Variants in MFSD8 observed in about 807,000 individuals in gnomAD.
The protein encoded by MFSD8 is major facilitator superfamily domain-containing protein 8.
A neutral mutation model predicts 66.4 loss-of-function variants in MFSD8; 55 were observed. The ratio of observed to expected loss-of-function variants is 0.83; its 90% CI spans 0.67 to 1.04. The LOEUF is 1.04. MFSD8 is among the 50% of genes least tolerant of loss of function. MFSD8 has a pLI of 0.00. For missense variants in MFSD8, 550 were observed against 627.6 expected, an observed-to-expected ratio of 0.88 and a Z score of 1.32; for synonymous variants, 202 against 212.8, an observed-to-expected ratio of 0.95 and a Z score of 0.44.
Position 127,921,640 on chromosome 4 carries a change from G to A in MFSD8, c.1234C>T (p.Pro412Ser). 1 of 1,614,164 alleles carries A rather than the reference G, an allele frequency of 6.2e-7. No homozygotes were observed. The highest frequency in any genetic ancestry group is 1.1e-5 in the South Asian group (1 of 91,086). Residue 412 changes from proline to serine, a missense_variant, in exon 11 of 12, where the codon CCG becomes TCG. By Grantham distance (74) the Pro-to-Ser change is moderately conservative (BLOSUM62 -1). Coordinates refer to ENST00000641686, the MANE Select transcript of MFSD8 (RefSeq NM_001371596.2). ...AGGAACTGGGCCAGATGAATCACCG[G>A]GGTGTAGAGGCACCAGGCTTGTTCA... is the stretch of plus-strand genomic sequence containing the variant. ...SIEQAWCLYT[P>S]VIHLAQFLTS... is the part of the protein sequence containing the mutation.
intron 1 of MFSD8, among the ~76,000 whole-genome samples, chr4:127,964,270 G>A (rs1744508189): frequency 6.6e-6 from 1 of 152,256 alleles, no homozygotes; most frequent in African/African-American, 2.4e-5. Context: ...GATGGGACTA[G>A]GCACCGTGGA....
rs543453360 is a variant in MFSD8 at position 127,929,322 on chromosome 4, C to CAAAAAAAAAAAA, written c.998+1349_998+1360dup. Among the ~76,000 whole-genome samples the CAAAAAAAAAAAA allele has an allele frequency of 8.6e-4, 26 of 30,364 alleles. 4 individuals carry two copies. The highest frequency in any genetic ancestry group is 4.4e-3 in the African/African-American group (24 of 5,406). The allele number at this position is 30,364 out of a possible 152,430, so 19.9% of individuals were successfully genotyped here. Reference sequence around the variant, plus strand: ...TGGGCAACAGAGCGAGACTCCGTCACAAAAAAAAAAAAAAAAAAAAAAAAA... The same window carrying CAAAAAAAAAAAA: ...TGGGCAACAGAGCGAGACTCCGTCACAAAAAAAAAAAAAAAAAAAAAAAAAAAAAAAAAAAAA... On this transcript the variant is annotated intron_variant, in intron 9 of 11. Coordinates refer to ENST00000641686, the MANE Select transcript of MFSD8 (RefSeq NM_001371596.2).
At chr4:127,931,852 T>C (rs1247348771) in intron 8 of MFSD8, among the ~76,000 whole-genome samples, 1 of 152,156 alleles carries the variant, frequency 6.6e-6, no homozygotes, top group Non-Finnish European at 1.5e-5. Context: ...CTCACGTCTG[T>C]AATCCCAGCA....
chr4:127,965,423 T>C (rs2276900), upstream of MFSD8: 31,143 of 556,232 alleles, frequency 0.056, 2,668 homozygotes, highest in East Asian at 0.3. Flanking sequence ...CGCGCCGCCC[T>C]GCTCCGGGTT....
Position 127,965,136 on chromosome 4 carries a change from T to C in MFSD8, c.-3A>G, listed in dbSNP as rs1213932597. 1.2e-6 allele frequency: 2 copies of C among 1,613,972 alleles called. No homozygotes were observed. Among genetic ancestry groups the C allele is most frequent in the South Asian group, 2.2e-5 (2 of 91,068 alleles). Reference sequence around the variant, plus strand: ...CTTTCGTTCCGCAGGCCGGCCATAGTTACACTCCCTACAAGGCGTCTTGCG... The same window carrying C: ...CTTTCGTTCCGCAGGCCGGCCATAGCTACACTCCCTACAAGGCGTCTTGCG... On this transcript the variant is annotated 5_prime_UTR_variant, in exon 1 of 12. Coordinates refer to ENST00000641686, the MANE Select transcript of MFSD8 (RefSeq NM_001371596.2).
At chr4:127,938,597 A>T (rs934947811) in intron 7 of MFSD8, among the ~76,000 whole-genome samples, 186 bp downstream of exon 7, 1 of 102,472 alleles carries the variant, frequency 9.8e-6, no homozygotes, top group Non-Finnish European at 1.9e-5. Flanking sequence ...AAAAAAAAAT[A>T]AATAAATAAA....
At chr4:127,964,835 G>A (rs1560790732) in intron 1 of MFSD8, 1 of 608,166 alleles carries the variant, frequency 1.6e-6, no homozygotes, top group South Asian at 1.9e-5. Flanking sequence ...GCAGCAGCCT[G>A]GGTTTCTCCA....
At position 127,964,972 on chromosome 4, in the gene MFSD8, T is replaced by C. The variant is rs988163596; in HGVS notation, c.62+100A>G. ...CCGGCTCCCACCGCGCTGGAACCCC[T>C]CTGGCAGCGAGGGTTTGTCCCAGTG... On this transcript the variant is annotated intron_variant, in intron 1 of 11. Transcript: ENST00000641686. 4.9e-6 allele frequency: 7 copies of C among 1,427,414 alleles called. No individual in the cohort carries two copies. The African/African-American group carries it at 8.5e-5, about 17-fold the overall frequency. 88.4% of individuals were successfully genotyped at this position (1,427,414 alleles called of 1,614,324 possible). A position where few individuals can be genotyped will look rare whatever the true frequency, so the allele number is the denominator to read the frequency against.
intron 3 of MFSD8, among the ~76,000 whole-genome samples, chr4:127,947,328 C>G (rs1210877544): frequency 6.6e-6 from 1 of 151,868 alleles, no homozygotes; most frequent in Non-Finnish European, 1.5e-5. Context: ...AGGTGGAAAT[C>G]CCAGCACTTT....
intron 2 of MFSD8, among the ~76,000 whole-genome samples, chr4:127,954,848 AAAG>A (rs1742589723): frequency 6.6e-6 from 1 of 152,354 alleles, no homozygotes; most frequent in African/African-American, 2.4e-5. Context: ...ACACTTCTCC[AAAG>A]AAGATATACA....
chr4:127,932,637 CAT>C (rs989736359), intron 8 of MFSD8: 44 of 158,056 alleles, frequency 2.8e-4, no homozygotes, highest in South Asian at 9.4e-4. Context: ...CAGATTGAAT[CAT>C]ATATATATAT....
At chr4:127,928,588 A>T (rs565592347) in intron 9 of MFSD8, among the ~76,000 whole-genome samples, 14 of 152,364 alleles carry the variant, frequency 9.2e-5, no homozygotes, top group African/African-American at 2.2e-4. Flanking sequence ...AAAAGAGGGA[A>T]TAATGGATGC....
At chr4:127,934,369 TAAG>T (rs1002185026) in intron 7 of MFSD8, among the ~76,000 whole-genome samples, 1 of 152,154 alleles carries the variant, frequency 6.6e-6, no homozygotes, top group African/African-American at 2.4e-5. Flanking sequence ...GTTTTATAAA[TAAG>T]GAGGACAAAG....
chr4:127,946,016 G>A (rs1740971839), intron 3 of MFSD8, among the ~76,000 whole-genome samples: 1 of 149,600 alleles, frequency 6.7e-6, no homozygotes, highest in Non-Finnish European at 1.5e-5. Context: ...AAACTCCTTT[G>A]CTCAAGAAAT....
chr4:127,957,637 A>G, intron 1 of MFSD8, 45 bp from the exon 2 acceptor site: 1 of 1,306,766 alleles, frequency 7.7e-7, no homozygotes, highest in Non-Finnish European at 1.1e-6. Flanking sequence ...ATCTCATTAC[A>G]TGTGGATCTT....
chr4:127,946,032 C>T (rs1460285848), intron 3 of MFSD8, among the ~76,000 whole-genome samples: 1 of 151,800 alleles, frequency 6.6e-6, no homozygotes, highest in African/African-American at 2.4e-5. Flanking sequence ...GAAATCCTCC[C>T]AACTCAGGCT....
intron 6 of MFSD8, chr4:127,939,184 T>A (rs189840927): frequency 1.8e-5 from 3 of 167,462 alleles, no homozygotes; most frequent in African/African-American, 7.2e-5. Context: ...TTTAAAAAAT[T>A]TTTTCGAATA....
chr4:127,960,795 C>A (rs1173236987), intron 1 of MFSD8, among the ~76,000 whole-genome samples: 1 of 152,084 alleles, frequency 6.6e-6, no homozygotes, highest in African/African-American at 2.4e-5. Flanking sequence ...ACAGAAAACA[C>A]CAACTCTGAA....
At chr4:127,924,766 C>T (rs531619719) in intron 9 of MFSD8, among the ~76,000 whole-genome samples, 1 of 152,226 alleles carries the variant, frequency 6.6e-6, no homozygotes, top group African/African-American at 2.4e-5. Flanking sequence ...GGAACCAAAA[C>T]AGAGCCCATA....
Sources: gnomAD v4.1 joint callset for allele counts (sites outside exome capture counted in the v4.1 genomes callset) on GRCh38, gnomAD v4.1.1 for gene constraint, MANE v1.5 for transcripts, NCBI Gene and HGNC (gene_info 2026-07-23, HGNC 2026-07-21) for gene names.